The following RNF180 variants were observed in gnomAD, a reference collection of about 807,000 sequenced individuals.
The protein encoded by RNF180 is ring finger protein 180, also known as E3 ubiquitin-protein ligase RNF180.
Under a neutral mutation model 59.2 loss-of-function variants are expected in RNF180, and 38 were observed. The observed-to-expected ratio is 0.64, with a 90% CI of 0.50 to 0.84. RNF180 has a LOEUF of 0.84. Ranked by LOEUF, RNF180 falls within the 40% of genes least tolerant of loss-of-function variation. RNF180 has a pLI of 0.00. For missense variants in RNF180, 705 were observed against 700.9 expected (o/e 1.01, Z -0.07); for synonymous variants, 262 against 240.3 (o/e 1.09, Z -0.84).
intron 5 of RNF180, among the ~76,000 whole-genome samples, chr5:64,295,887 T>C (rs987944611): frequency 2.0e-5 from 3 of 152,176 alleles, no homozygotes; most frequent in Non-Finnish European, 4.4e-5. Context: ...ACACATTGGT[T>C]AAACATAATA....
At chr5:64,181,940 G>A (rs1750607906) in intron 1 of RNF180, among the ~76,000 whole-genome samples, 1 of 150,280 alleles carries the variant, frequency 6.7e-6, no homozygotes, top group African/African-American at 2.4e-5. Context: ...ACATTTTGGG[G>A]TTCCTTATAA....
rs1250915263 is a variant in RNF180, at chr5:64,204,257, A to G, written c.135+3315A>G. Among the ~76,000 whole-genome samples the G allele has an allele frequency of 2.6e-5, 4 of 152,118 alleles. No homozygotes were observed. In the South Asian group the frequency reaches 6.2e-4, roughly 24 times the overall value. ...GTTGATAGTCATTTGGGTTACATCT[A>G]TTTGTCTTGCTCTTATAATCAGTGC... On this transcript the variant is annotated intron_variant, in intron 2 of 7. Transcript: ENST00000389100.
rs796754317 is a variant in RNF180 at position 64,372,525 on chromosome 5, C to A, written c.*2711C>A. On this transcript the variant is annotated 3_prime_UTR_variant, in exon 8 of 8. Coordinates refer to ENST00000389100, the MANE Select transcript of RNF180 (RefSeq NM_001113561.2). ...CTCCTAAGTTAGCTCTGTGGCATAA[C>A]AAAATTCCAGTTAATAAAATTTTCA... 31 of 152,020 alleles carry A rather than the reference C, an allele frequency of 2.0e-4. No individual in the cohort carries two copies. The highest frequency in any genetic ancestry group is 7.0e-4 in the African/African-American group (29 of 41,542). The allele number at this position is 152,020 out of a possible 1,614,324, so 9.4% of individuals were successfully genotyped here.
intron 5 of RNF180, among the ~76,000 whole-genome samples, chr5:64,297,625 A>G (rs752071900): frequency 3.5e-4 from 53 of 152,068 alleles, no homozygotes; most frequent in Admixed American, 9.2e-4. Flanking sequence ...TTAGTTCACA[A>G]CATGTTTAAT....
chr5:64,322,038 C>T (rs992728204), intron 5 of RNF180, among the ~76,000 whole-genome samples: 1 of 152,046 alleles, frequency 6.6e-6, no homozygotes, highest in Non-Finnish European at 1.5e-5. Flanking sequence ...AATGTAAAAC[C>T]CAAAACCACA....
intron 5 of RNF180, among the ~76,000 whole-genome samples, chr5:64,261,597 A>G (rs1744345330): frequency 6.6e-6 from 1 of 152,166 alleles, no homozygotes; most frequent in Admixed American, 6.6e-5. Context: ...AATATCTCTT[A>G]TCACACACAG....
intron 7 of RNF180, among the ~76,000 whole-genome samples, chr5:64,340,386 GA>G (rs1745311698): frequency 6.6e-6 from 1 of 152,162 alleles, no homozygotes; most frequent in Admixed American, 6.5e-5. Flanking sequence ...AAAGCCTGGA[GA>G]ATTATTTTAT....
chr5:64,264,315 C>G (rs1231337507), intron 5 of RNF180, among the ~76,000 whole-genome samples: 1 of 152,046 alleles, frequency 6.6e-6, no homozygotes, highest in Non-Finnish European at 1.5e-5. Context: ...CTGCACCCAT[C>G]AACCCATCAT....
At chr5:64,219,760 C>T (rs1188737255) in intron 5 of RNF180, among the ~76,000 whole-genome samples, 1 of 151,896 alleles carries the variant, frequency 6.6e-6, no homozygotes, top group African/African-American at 2.4e-5. Context: ...ACCTCATGAT[C>T]CGCCTGCCTC....
At chr5:64,250,064 G>T (rs530938281) in intron 5 of RNF180, among the ~76,000 whole-genome samples, 1 of 152,224 alleles carries the variant, frequency 6.6e-6, no homozygotes, top group South Asian at 2.1e-4. Flanking sequence ...TAAATGTTAG[G>T]CCACACAACA....
intron 5 of RNF180, among the ~76,000 whole-genome samples, chr5:64,292,387 G>A (rs938008511): frequency 1.3e-5 from 2 of 152,130 alleles, no homozygotes; most frequent in African/African-American, 4.8e-5. Context: ...TAGGGCTGCT[G>A]TGGCTTGCTG....
intron 1 of RNF180, among the ~76,000 whole-genome samples, chr5:64,198,336 G>A (rs1395893189): frequency 2.0e-5 from 3 of 152,086 alleles, no homozygotes; most frequent in Non-Finnish European, 4.4e-5. Context: ...CCAGTACAAA[G>A]GCCCTGAAGG....
chr5:64,168,500 A>T (rs1239162656), intron 1 of RNF180, among the ~76,000 whole-genome samples: 1 of 152,206 alleles, frequency 6.6e-6, no homozygotes, highest in Non-Finnish European at 1.5e-5. Context: ...GTAACCTATC[A>T]ATTATCTCTT....
intron 7 of RNF180, among the ~76,000 whole-genome samples, chr5:64,337,431 C>A (rs1217662144): frequency 6.6e-6 from 1 of 152,054 alleles, no homozygotes; most frequent in African/African-American, 2.4e-5. Flanking sequence ...GCCTACTTTT[C>A]TGAATATTAT....
chr5:64,300,681 A>T (rs961374909), intron 5 of RNF180, among the ~76,000 whole-genome samples: 4 of 151,712 alleles, frequency 2.6e-5, no homozygotes, highest in Admixed American at 6.6e-5. Flanking sequence ...GCATTTAAGT[A>T]CTAGTGAGTA....
At chr5:64,191,222 TC>T (rs1751140860) in intron 1 of RNF180, among the ~76,000 whole-genome samples, 1 of 152,218 alleles carries the variant, frequency 6.6e-6, no homozygotes, top group Non-Finnish European at 1.5e-5. Flanking sequence ...ACAGAACACT[TC>T]CTCTTACCAT....
intron 5 of RNF180, among the ~76,000 whole-genome samples, chr5:64,297,220 C>A (rs1296262144): frequency 6.6e-6 from 1 of 151,878 alleles, no homozygotes; most frequent in Non-Finnish European, 1.5e-5. Context: ...GTTGAGATAG[C>A]TTGGTTTCTC....
At chr5:64,369,351 C>A (rs1293897099) in intron 7 of RNF180, among the ~76,000 whole-genome samples, 1 of 151,642 alleles carries the variant, frequency 6.6e-6, no homozygotes, top group Non-Finnish European at 1.5e-5. Context: ...GGGAGACATA[C>A]CTAATGCTAA....
chr5:64,322,622 T>TGTGTGTGTGTGTGG (rs1744424830), intron 5 of RNF180, among the ~76,000 whole-genome samples: 1 of 151,510 alleles, frequency 6.6e-6, no homozygotes, highest in Non-Finnish European at 1.5e-5. Context: ...TGTGTGTGTG[T>TGTGTGTGTGTGTGG]GTGTGTGTGT....
Sources: gnomAD v4.1 joint callset for allele counts (sites outside exome capture counted in the v4.1 genomes callset) on GRCh38, gnomAD v4.1.1 for gene constraint, MANE v1.5 for transcripts, NCBI Gene and HGNC (gene_info 2026-07-23, HGNC 2026-07-21) for gene names.